TENM4: variants seen among roughly 807,000 people sequenced by gnomAD.
TENM4 encodes teneurin transmembrane protein 4, also known as teneurin-4.
A neutral mutation model predicts 243.3 loss-of-function variants in TENM4; 82 were observed. The ratio of observed to expected loss-of-function variants is 0.34; its 90% CI spans 0.28 to 0.40. The LOEUF (loss-of-function observed/expected upper bound fraction) is 0.40. TENM4 is among the 10% of genes least tolerant of loss of function. TENM4 has a pLI of 1.00. For synonymous variants in TENM4, 1,412 were observed against 1,456.3 expected (o/e 0.97, Z 0.69); for missense variants, 3,138 against 3,673.3 (o/e 0.85, Z 3.77).
chr11:79,048,859 T>C (rs1436071041), intron 6 of TENM4, among the ~76,000 whole-genome samples: 1 of 152,134 alleles, frequency 6.6e-6, no homozygotes, highest in Non-Finnish European at 1.5e-5. Flanking sequence ...CAGGGGCCAT[T>C]CTGGTGGGCA....
chr11:79,081,049 C>G (rs1403233295), intron 4 of TENM4, among the ~76,000 whole-genome samples: 1 of 152,200 alleles, frequency 6.6e-6, no homozygotes, highest in African/African-American at 2.4e-5. Flanking sequence ...AGAAGGGAAA[C>G]CAACATCCCA....
At chr11:79,295,893 T>G (rs1856442470) in intron 2 of TENM4, among the ~76,000 whole-genome samples, 1 of 43,782 alleles carries the variant, frequency 2.3e-5, no homozygotes, top group Non-Finnish European at 4.4e-5. Flanking sequence ...CTCCCAGGGA[T>G]TAAACACACA....
intron 28 of TENM4, among the ~76,000 whole-genome samples, chr11:78,691,852 T>C (rs949119568): frequency 6.6e-6 from 1 of 152,212 alleles, no homozygotes; most frequent in Admixed American, 6.5e-5. Flanking sequence ...TCATTCATTG[T>C]AGTACCTTCC....
intron 6 of TENM4, among the ~76,000 whole-genome samples, chr11:78,938,971 TC>T (rs1856837915): frequency 6.6e-6 from 1 of 152,328 alleles, no homozygotes; most frequent in South Asian, 2.1e-4. Flanking sequence ...CATTTGGAAT[TC>T]CCAAATCTCT....
chr11:79,216,694 C>T (rs1405101914), intron 2 of TENM4, among the ~76,000 whole-genome samples: 2 of 152,210 alleles, frequency 1.3e-5, no homozygotes, highest in African/African-American at 4.8e-5. Context: ...TGTTCACTTG[C>T]CCTTCCGCCT....
chr11:79,327,181 T>C (rs1241888683), intron 1 of TENM4, among the ~76,000 whole-genome samples: 2 of 152,174 alleles, frequency 1.3e-5, no homozygotes, highest in African/African-American at 4.8e-5. Context: ...AAAAAGACTG[T>C]GTTGACAATT....
chr11:78,725,521 C>A (rs1277488277), intron 23 of TENM4, among the ~76,000 whole-genome samples: 4 of 152,240 alleles, frequency 2.6e-5, no homozygotes, highest in Non-Finnish European at 5.9e-5. Flanking sequence ...TGGGTTCCAG[C>A]TGCTCACACC....
chr11:79,408,210 T>A (rs1458032419), intron 1 of TENM4, among the ~76,000 whole-genome samples: 1 of 152,212 alleles, frequency 6.6e-6, no homozygotes, highest in Non-Finnish European at 1.5e-5. Context: ...GGCCAACCAC[T>A]GCGCCCAGCC....
intron 4 of TENM4, among the ~76,000 whole-genome samples, chr11:79,079,609 C>T (rs1183110855): frequency 2.0e-5 from 3 of 152,136 alleles, no homozygotes; most frequent in African/African-American, 7.2e-5. Context: ...GAGGGCAGAT[C>T]ACTTGAGGCC....
chr11:78,706,039 G>A (rs1429879353), intron 27 of TENM4, among the ~76,000 whole-genome samples: 1 of 152,100 alleles, frequency 6.6e-6, no homozygotes, highest in Non-Finnish European at 1.5e-5. Context: ...GATGGAACCT[G>A]GTACAGGGCT....
intron 3 of TENM4, among the ~76,000 whole-genome samples, chr11:79,181,759 G>C (rs1863285584): frequency 1.3e-5 from 2 of 151,288 alleles, no homozygotes; most frequent in Admixed American, 6.6e-5. Flanking sequence ...AAGGTTGCAG[G>C]ATACAAAGTT....
chr11:78,856,003 G>A lies in TENM4; in HGVS notation c.1431C>T (p.Gly477=), dbSNP rs1858671745. The change falls in exon 11 of 34, where the codon GGC becomes GGT. Residue 477 remains glycine (G), a synonymous_variant. Coordinates refer to ENST00000278550, the MANE Select transcript of TENM4 (RefSeq NM_001098816.3). ...GAGGGAGGCCTTTTCTGCCATAAAT[G>A]CCAACCAGGGCTGCCTTTCCCAGAG... is the stretch of plus-strand genomic sequence containing the variant. ...NVSLGKAALV[G]IYGRKGLPPS... The A allele has an allele frequency of 1.3e-6, 2 of 1,551,590 alleles. No homozygotes were observed. Among genetic ancestry groups the A allele is most frequent in the African/African-American group, 1.4e-5 (1 of 73,020 alleles).
intron 4 of TENM4, among the ~76,000 whole-genome samples, chr11:79,139,638 ATAT>A (rs1176199317): frequency 9.7e-6 from 1 of 103,282 alleles, no homozygotes; most frequent in African/African-American, 4.2e-5. Flanking sequence ...TATAAAATAT[ATAT>A]TATATTTATA....
chr11:78,859,483 C>T (rs1006923292), intron 10 of TENM4, among the ~76,000 whole-genome samples: 3 of 152,170 alleles, frequency 2.0e-5, no homozygotes, highest in African/African-American at 4.8e-5. Context: ...GCAATCATGT[C>T]TATAAAAGAA....
At chr11:78,827,615 G>A (rs1382071449) in intron 12 of TENM4, among the ~76,000 whole-genome samples, 3 of 151,944 alleles carry the variant, frequency 2.0e-5, no homozygotes, top group African/African-American at 7.3e-5. Context: ...TCAGCCTTCT[G>A]AGCAGCTGGG....
At chr11:79,333,676 A>T (rs1322901350) in intron 1 of TENM4, among the ~76,000 whole-genome samples, 2 of 152,234 alleles carry the variant, frequency 1.3e-5, no homozygotes, top group African/African-American at 2.4e-5. Flanking sequence ...TGGTCTTCAG[A>T]TATTGGGTTT....
At chr11:78,768,603 A>T (rs7936230) in intron 18 of TENM4, among the ~76,000 whole-genome samples, 5,040 of 152,306 alleles carry the variant, frequency 0.033, 226 homozygotes, top group African/African-American at 0.097. Context: ...ACACTTGGTT[A>T]ACATTGGTTG....
intron 6 of TENM4, among the ~76,000 whole-genome samples, chr11:78,936,614 G>A (rs1856790869): frequency 1.3e-5 from 2 of 152,238 alleles, no homozygotes; most frequent in African/African-American, 4.8e-5. Context: ...GCTATGGGAA[G>A]TAGGAACTGC....
chr11:78,828,880 A>C (rs1857915887), intron 12 of TENM4, among the ~76,000 whole-genome samples: 3 of 152,246 alleles, frequency 2.0e-5, no homozygotes, highest in Admixed American at 1.3e-4. Flanking sequence ...CCACTGGATG[A>C]AGTTATAATA....
Sources: allele counts gnomAD v4.1 joint callset (sites outside exome capture counted in the v4.1 genomes callset), GRCh38; gene constraint gnomAD v4.1.1; transcripts MANE v1.5; gene names NCBI Gene and HGNC (gene_info 2026-07-23, HGNC 2026-07-21).